Variants in PRKAR1B observed in about 807,000 individuals in gnomAD.
PRKAR1B encodes the protein cAMP-dependent protein kinase type I-beta regulatory subunit.
PRKAR1B carries 22 observed loss-of-function variants against 46.5 expected under a neutral mutation model. The ratio of observed to expected loss-of-function variants is 0.47; its 90% CI spans 0.34 to 0.68. The LOEUF (loss-of-function observed/expected upper bound fraction) is 0.68. Among genes scored for constraint, PRKAR1B ranks in the 30% least tolerant of loss-of-function variants. The pLI, the probability that PRKAR1B is intolerant of heterozygous loss-of-function variation, is 0.01. For missense variants in PRKAR1B, 445 were observed against 535.6 expected, an observed-to-expected ratio of 0.83 and a Z score of 1.67; for synonymous variants, 259 against 217.7, an observed-to-expected ratio of 1.19 and a Z score of -1.67.
intron 9 of PRKAR1B, 125 bp from the exon 10 acceptor site, chr7:551,595 G>A: frequency 2.2e-6 from 2 of 909,820 alleles, no homozygotes; most frequent in South Asian, 3.2e-5. Context: ...CCTTCTCCCA[G>A]AGCCACTGCC....
chr7:690,139 T>C lies in PRKAR1B; in HGVS notation c.178-9413A>G, dbSNP rs1387489260. On this transcript the variant is annotated intron_variant, in intron 2 of 10. Coordinates refer to ENST00000537384, the MANE Select transcript of PRKAR1B (RefSeq NM_001164760.2). ...TGGTGAAACCCCGTCTCTACTAAAA[T>C]ACAAAAATTAGCCAGGCGTGGTGGT... Among the ~76,000 whole-genome samples, 3 of 151,608 alleles carry C rather than the reference T, an allele frequency of 2.0e-5. No individual in the cohort carries two copies. The East Asian group carries it at 5.9e-4, about 30-fold the overall frequency.
intron 4 of PRKAR1B, among the ~76,000 whole-genome samples, chr7:662,801 C>T (rs1217973897): frequency 6.6e-6 from 1 of 152,202 alleles, no homozygotes; most frequent in African/African-American, 2.4e-5. Flanking sequence ...CCTGGGACAC[C>T]CTCCAAGCAA....
intron 1 of PRKAR1B, among the ~76,000 whole-genome samples, chr7:715,435 T>C (rs1450617552): frequency 1.3e-5 from 2 of 152,144 alleles, no homozygotes; most frequent in Admixed American, 6.5e-5. Flanking sequence ...TGCCACACGG[T>C]GACAAACCCT....
At chr7:633,551 G>A (rs753437456) in intron 4 of PRKAR1B, among the ~76,000 whole-genome samples, 2 of 152,162 alleles carry the variant, frequency 1.3e-5, no homozygotes, top group South Asian at 2.1e-4. Flanking sequence ...ATCACTTCAG[G>A]CCAGGAGTTC....
At chr7:690,700 C>T (rs1023794693) in intron 2 of PRKAR1B, among the ~76,000 whole-genome samples, 4 of 152,214 alleles carry the variant, frequency 2.6e-5, no homozygotes, top group African/African-American at 2.4e-5. Flanking sequence ...AGAAGGAATG[C>T]CCCCACCAGC....
chr7:582,586 C>G (rs568791800), intron 8 of PRKAR1B, among the ~76,000 whole-genome samples: 29 of 152,402 alleles, frequency 1.9e-4, no homozygotes, highest in African/African-American at 6.5e-4. Context: ...GCGGCCAGGG[C>G]GTGCGACGGC....
chr7:695,724 C>T (rs997142629), intron 2 of PRKAR1B, among the ~76,000 whole-genome samples: 10 of 151,796 alleles, frequency 6.6e-5, no homozygotes, highest in East Asian at 3.9e-4. Flanking sequence ...AGTGTAGTGG[C>T]GTGATCTCAG....
Position 579,340 on chromosome 7 carries a change from A to G in PRKAR1B, c.807T>C (p.Asp269=). ...CTTCAAACTGGACGGGCTCCAGCGC[A>G]TCCGCCACGGTCAGACGCTCCCACT... is the stretch of plus-strand genomic sequence containing the variant. ...LEKWERLTVA[D]ALEPVQFEDG... The change falls in exon 9 of 11, where the codon GAT becomes GAC. Residue 269 remains aspartate, a synonymous_variant. Coordinates refer to ENST00000537384, the MANE Select transcript of PRKAR1B (RefSeq NM_001164760.2). 1 of 1,614,158 alleles carries G rather than the reference A, an allele frequency of 6.2e-7. No homozygotes were observed. Among genetic ancestry groups the G allele is most frequent in the Non-Finnish European group, 8.5e-7 (1 of 1,180,034 alleles).
Position 711,435 on chromosome 7 carries a change from A to C in PRKAR1B, c.71T>G (p.Leu24Arg), listed in dbSNP as rs1200873650. 4 of 1,614,094 alleles carry C rather than the reference A, an allele frequency of 2.5e-6. No individual in the cohort carries two copies. The Admixed American group carries it at 5.0e-5, about 20-fold the overall frequency. Residue 24 changes from leucine to arginine, a missense_variant, in exon 2 of 11, where the codon CTG becomes CGG. Physicochemically the swap from Leu to Arg is moderately radical, Grantham distance 102. Coordinates refer to ENST00000537384, the MANE Select transcript of PRKAR1B (RefSeq NM_001164760.2). ...TTTGAGGACCTGCTGGATCCCGTGC[A>C]GCTGCACGTACAGCTCACAGCCCTT... The part of the protein sequence containing the change: ...SLKGCELYVQ[L>R]HGIQQVLKDC...
At chr7:693,718 G>T (rs1779571722) in intron 2 of PRKAR1B, among the ~76,000 whole-genome samples, 1 of 152,118 alleles carries the variant, frequency 6.6e-6, no homozygotes, top group Non-Finnish European at 1.5e-5. Flanking sequence ...TCATGTAGAG[G>T]CGTGTGTTTG....
intron 2 of PRKAR1B, chr7:691,464 T>C (rs1583425674): frequency 1.5e-6 from 2 of 1,300,978 alleles, no homozygotes; most frequent in Non-Finnish European, 2.0e-6. Flanking sequence ...CTCCCACGGA[T>C]GAAGATGCAG....
intron 8 of PRKAR1B, among the ~76,000 whole-genome samples, chr7:580,230 CAAAAAAA>C (rs1325090684): frequency 1.9e-5 from 2 of 104,868 alleles, no homozygotes; most frequent in Non-Finnish European, 3.8e-5. Flanking sequence ...CACCCTGTCT[CAAAAAAA>C]AAAAAAAAAG....
At chr7:605,628 C>T (rs1269759088) in intron 6 of PRKAR1B, among the ~76,000 whole-genome samples, 1 of 152,206 alleles carries the variant, frequency 6.6e-6, no homozygotes, top group East Asian at 1.9e-4. Context: ...GCTTCTCCTT[C>T]CAAAACAGTG....
intron 2 of PRKAR1B, among the ~76,000 whole-genome samples, chr7:702,129 G>A (rs1320834618): frequency 6.6e-6 from 1 of 152,142 alleles, no homozygotes; most frequent in Non-Finnish European, 1.5e-5. Flanking sequence ...CTATGTGATG[G>A]AAAACTTGTA....
upstream of PRKAR1B, chr7:727,326 C>G (rs1423435195): frequency 2.4e-6 from 3 of 1,261,048 alleles, no homozygotes; most frequent in Non-Finnish European, 3.0e-6. Flanking sequence ...GTGAGCACCC[C>G]GGGCCCCGCT....
At chr7:601,493 T>C (rs1374742342) in intron 6 of PRKAR1B, among the ~76,000 whole-genome samples, 1 of 152,248 alleles carries the variant, frequency 6.6e-6, no homozygotes, top group Non-Finnish European at 1.5e-5. Context: ...CCAGATTCCT[T>C]ACTGAGCATC....
At chr7:668,474 C>T (rs1040306917) in intron 4 of PRKAR1B, among the ~76,000 whole-genome samples, 1 of 152,088 alleles carries the variant, frequency 6.6e-6, no homozygotes. Flanking sequence ...ACTGGGGCTT[C>T]GATATGGAAA....
intron 1 of PRKAR1B, 127 bp downstream of exon 1, chr7:727,083 C>T (rs1781340788): frequency 5.7e-6 from 6 of 1,047,018 alleles, no homozygotes; most frequent in Non-Finnish European, 4.6e-6. Context: ...TGCCCGCGCT[C>T]GCCGCGCGCT....
chr7:638,302 C>T (rs934441134), intron 4 of PRKAR1B, among the ~76,000 whole-genome samples: 1 of 152,220 alleles, frequency 6.6e-6, no homozygotes, highest in Non-Finnish European at 1.5e-5. Flanking sequence ...AAACAGGTCC[C>T]GGAGGCATCC....
Sources: allele counts gnomAD v4.1 joint callset (sites outside exome capture counted in the v4.1 genomes callset), GRCh38; gene constraint gnomAD v4.1.1; transcripts MANE v1.5; gene names NCBI Gene and HGNC (gene_info 2026-07-23, HGNC 2026-07-21).